LPP: variants seen among roughly 807,000 people sequenced by gnomAD.
The protein encoded by LPP is lipoma-preferred partner.
LPP carries 38 observed loss-of-function variants against 60.4 expected under a neutral mutation model. That is an observed-to-expected ratio of 0.63 (90% CI 0.49 to 0.83). The LOEUF (loss-of-function observed/expected upper bound fraction) is 0.83. LPP is among the 40% of genes least tolerant of loss of function. The pLI, the probability that LPP is intolerant of heterozygous loss-of-function variation, is 0.00. For missense variants in LPP, 902 were observed against 783.6 expected, an observed-to-expected ratio of 1.15 and a Z score of -1.80; for synonymous variants, 328 against 290.8, an observed-to-expected ratio of 1.13 and a Z score of -1.30.
chr3:188,443,824 T>G (rs1414882414), intron 4 of LPP, among the ~76,000 whole-genome samples: 1 of 152,216 alleles, frequency 6.6e-6, no homozygotes, highest in Non-Finnish European at 1.5e-5. Flanking sequence ...ATTTTGAATT[T>G]GCAGCTTAAT....
chr3:188,389,314 C>T lies in LPP; in HGVS notation c.-9-16798C>T, dbSNP rs551702819. Among the ~76,000 whole-genome samples, 16 of 152,306 alleles carry T rather than the reference C, an allele frequency of 1.1e-4. 3 individuals are homozygous for T. In the South Asian group the frequency reaches 1.2e-3, roughly 12 times the overall value. Reference sequence around the variant, plus strand: ...AGACTAATAGGTCACTGGTTTGCTTCAGAACTAGAACTTCTCCTGTGCCTT... The same window carrying T: ...AGACTAATAGGTCACTGGTTTGCTTTAGAACTAGAACTTCTCCTGTGCCTT... On this transcript the variant is annotated intron_variant, in intron 3 of 11. Coordinates refer to ENST00000617246, the MANE Select transcript of LPP (RefSeq NM_001375462.1).
chr3:188,869,652 T>TTGTTAA (rs1767569170), intron 10 of LPP, among the ~76,000 whole-genome samples: 1 of 152,198 alleles, frequency 6.6e-6, no homozygotes, highest in African/African-American at 2.4e-5. Context: ...CACAGAGGGA[T>TTGTTAA]CTTGTTAAAC....
intron 9 of LPP, among the ~76,000 whole-genome samples, chr3:188,858,426 A>T (rs1234841657): frequency 6.6e-6 from 1 of 152,216 alleles, no homozygotes; most frequent in South Asian, 2.1e-4. Flanking sequence ...TATGCATTTT[A>T]AAGTAAAATA....
At chr3:188,720,256 T>G (rs1331036017) in intron 8 of LPP, among the ~76,000 whole-genome samples, 1 of 152,172 alleles carries the variant, frequency 6.6e-6, no homozygotes, top group Non-Finnish European at 1.5e-5. Flanking sequence ...CAAATATTTA[T>G]TGAGTGCCTA....
intron 4 of LPP, among the ~76,000 whole-genome samples, chr3:188,476,242 C>T (rs1183507492): frequency 6.6e-6 from 1 of 150,558 alleles, no homozygotes; most frequent in African/African-American, 2.4e-5. Context: ...TCCCTGGGGT[C>T]TAGAGTAATG....
chr3:188,705,930 A>G (rs1449634615), intron 7 of LPP, among the ~76,000 whole-genome samples: 2 of 152,086 alleles, frequency 1.3e-5, no homozygotes, highest in African/African-American at 4.8e-5. Flanking sequence ...GCTTTTTATA[A>G]TTAATCATTT....
At chr3:188,730,839 A>T (rs1423042251) in intron 8 of LPP, among the ~76,000 whole-genome samples, 2 of 152,180 alleles carry the variant, frequency 1.3e-5, no homozygotes, top group African/African-American at 4.8e-5. Context: ...TCTGACTTCT[A>T]AAAACTGACC....
intron 7 of LPP, among the ~76,000 whole-genome samples, chr3:188,620,692 A>G (rs1580451582): frequency 6.6e-6 from 1 of 152,282 alleles, no homozygotes; most frequent in East Asian, 1.9e-4. Context: ...TCACATGGTA[A>G]TTTAATGTTC....
intron 2 of LPP, among the ~76,000 whole-genome samples, chr3:188,245,667 TAAGATCAAAATAACGTTGC>T (rs1191888285): frequency 6.6e-6 from 1 of 152,008 alleles, no homozygotes; most frequent in African/African-American, 2.4e-5. Flanking sequence ...TTTTTTTTTT[TAAGATCAAAATAACGTTGC>T]ATTTGTGTGT....
rs116152238 is a variant in LPP, at chr3:188,470,532, A to C, written c.194-14060A>C. Among the ~76,000 whole-genome samples, 415 of 152,286 alleles carry C rather than the reference A, an allele frequency of 2.7e-3. 3 individuals carry two copies. The highest frequency in any genetic ancestry group is 9.6e-3 in the African/African-American group (397 of 41,562). ...TGCTTTTAGGATAGACTGATGACTCATATATGATGTCTGCCCTCAGGGAGC... is the reference window on the plus strand; with the variant it reads ...TGCTTTTAGGATAGACTGATGACTCCTATATGATGTCTGCCCTCAGGGAGC... On this transcript the variant is annotated intron_variant, in intron 4 of 11. Transcript: ENST00000617246.
chr3:188,180,626 A>G (rs369700788), intron 1 of LPP: 86 of 154,502 alleles, frequency 5.6e-4, no homozygotes, highest in African/African-American at 1.9e-3. Context: ...CATCACTCAT[A>G]AATCACTATT....
intron 3 of LPP, among the ~76,000 whole-genome samples, chr3:188,345,979 G>A (rs937905508): frequency 2.9e-4 from 44 of 152,228 alleles, no homozygotes; most frequent in African/African-American, 1.1e-3. Flanking sequence ...CTGTGAGATG[G>A]GAGGAGGAGG....
Position 188,489,140 on chromosome 3 carries a change from C to T in LPP, c.306+4436C>T, listed in dbSNP as rs186060766. On this transcript the variant is annotated intron_variant, in intron 5 of 11. Coordinates refer to ENST00000617246, the MANE Select transcript of LPP (RefSeq NM_001375462.1). ...GTTTGAATCTTGTAATTTTTTCCTACATAACAAAATGTTTATGGGTAATTA... is the reference window on the plus strand; with the variant it reads ...GTTTGAATCTTGTAATTTTTTCCTATATAACAAAATGTTTATGGGTAATTA... Among the ~76,000 whole-genome samples the T allele has an allele frequency of 2.3e-3, 353 of 152,270 alleles. 1 individual carries two copies. The highest frequency in any genetic ancestry group is 5.3e-3 in the Admixed American group (81 of 15,294).
At chr3:188,705,150 A>C (rs1865237547) in intron 7 of LPP, among the ~76,000 whole-genome samples, 1 of 152,224 alleles carries the variant, frequency 6.6e-6, no homozygotes, top group South Asian at 2.1e-4. Flanking sequence ...CTGTACAATA[A>C]AGAAACAAAT....
intron 1 of LPP, among the ~76,000 whole-genome samples, chr3:188,203,393 A>AT (rs576102695): frequency 0.02 from 1,714 of 83,992 alleles, 26 homozygotes; most frequent in South Asian, 0.044. Context: ...TTTATATATT[A>AT]ATATATATTT....
At chr3:188,850,956 T>C (rs1254362656) in intron 9 of LPP, among the ~76,000 whole-genome samples, 1 of 152,216 alleles carries the variant, frequency 6.6e-6, no homozygotes, top group Non-Finnish European at 1.5e-5. Flanking sequence ...TTTTCAGTGC[T>C]CTTTAGGGCT....
At chr3:188,466,499 T>C (rs12497788) in intron 4 of LPP, among the ~76,000 whole-genome samples, 94,749 of 151,642 alleles carry the variant, frequency 0.62, 29,772 homozygotes, top group Admixed American at 0.69. Flanking sequence ...CTTTATAATA[T>C]TCATGTCAAG....
intron 7 of LPP, among the ~76,000 whole-genome samples, chr3:188,643,900 T>G (rs760938102): frequency 1.6e-4 from 24 of 152,104 alleles, no homozygotes; most frequent in Non-Finnish European, 2.5e-4. Context: ...TAGATAGAGA[T>G]AAAACCTTTG....
intron 2 of LPP, among the ~76,000 whole-genome samples, chr3:188,323,951 G>A (rs1276413912): frequency 6.6e-6 from 1 of 152,174 alleles, no homozygotes; most frequent in African/African-American, 2.4e-5. Context: ...TCTTACATAG[G>A]AATAGAGTTA....
Sources: allele counts gnomAD v4.1 joint callset (sites outside exome capture counted in the v4.1 genomes callset), GRCh38; gene constraint gnomAD v4.1.1; transcripts MANE v1.5; gene names NCBI Gene and HGNC (gene_info 2026-07-23, HGNC 2026-07-21).